The following PDE4B variants were observed in gnomAD, a reference collection of about 807,000 sequenced individuals.
PDE4B encodes 3',5'-cyclic-AMP phosphodiesterase 4B.
PDE4B carries 20 observed loss-of-function variants against 82.2 expected under a neutral mutation model. That is an observed-to-expected ratio of 0.24 (90% CI 0.17 to 0.35). PDE4B has a LOEUF of 0.35. Ranked by LOEUF, PDE4B falls within the 10% of genes least tolerant of loss-of-function variation. The probability of loss-of-function intolerance (pLI) is 1.00; values close to 1 mark genes in which losing one functional copy is unlikely to be tolerated. For synonymous variants in PDE4B, 320 were observed against 318.9 expected, an observed-to-expected ratio of 1.00 and a Z score of -0.04; for missense variants, 655 against 907.2, an observed-to-expected ratio of 0.72 and a Z score of 3.57.
chr1:65,844,689 T>C (rs1646248932), intron 1 of PDE4B, among the ~76,000 whole-genome samples: 1 of 152,178 alleles, frequency 6.6e-6, no homozygotes, highest in South Asian at 2.1e-4. Flanking sequence ...TAATATGTAG[T>C]TTATTCTCCC....
chr1:66,130,908 T>C (rs760021673), intron 3 of PDE4B, among the ~76,000 whole-genome samples: 3 of 152,218 alleles, frequency 2.0e-5, no homozygotes, highest in African/African-American at 4.8e-5. Context: ...ATTCTATTTC[T>C]TGGAAATTCA....
intron 1 of PDE4B, among the ~76,000 whole-genome samples, chr1:65,907,501 A>T (rs1264548439): frequency 6.6e-6 from 1 of 152,098 alleles, no homozygotes; most frequent in African/African-American, 2.4e-5. Context: ...CGGGGCTGGG[A>T]GTGGAGACAG....
chr1:66,352,852 T>C (rs1343246044), intron 8 of PDE4B, among the ~76,000 whole-genome samples: 1 of 152,228 alleles, frequency 6.6e-6, no homozygotes, highest in Non-Finnish European at 1.5e-5. Context: ...TTCCTAAGTA[T>C]TTCAGAGAGA....
At chr1:65,987,242 G>T (rs1252609011) in intron 3 of PDE4B, among the ~76,000 whole-genome samples, 1 of 152,130 alleles carries the variant, frequency 6.6e-6, no homozygotes, top group Non-Finnish European at 1.5e-5. Context: ...TCCCACCTAG[G>T]ATTCAGGTGA....
At chr1:65,809,947 C>G (rs1449846244) in intron 1 of PDE4B, among the ~76,000 whole-genome samples, 3 of 152,328 alleles carry the variant, frequency 2.0e-5, no homozygotes, top group African/African-American at 7.2e-5. Context: ...TTTTGGTGCT[C>G]TTAAAATGCA....
At chr1:66,070,989 A>G (rs1371658726) in intron 3 of PDE4B, among the ~76,000 whole-genome samples, 1 of 152,068 alleles carries the variant, frequency 6.6e-6, no homozygotes, top group East Asian at 1.9e-4. Flanking sequence ...ATTATTTTAT[A>G]AAAATGACTG....
chr1:65,827,026 G>C (rs546040486), intron 1 of PDE4B, among the ~76,000 whole-genome samples: 40 of 152,306 alleles, frequency 2.6e-4, no homozygotes, highest in Middle Eastern at 6.8e-3. Context: ...CATACATTAA[G>C]CACAGGGTAT....
chr1:66,300,245 A>G (rs915044578), intron 7 of PDE4B, among the ~76,000 whole-genome samples: 4 of 152,124 alleles, frequency 2.6e-5, no homozygotes, highest in African/African-American at 9.7e-5. Flanking sequence ...ACTTCCTGAG[A>G]TACTGATCAT....
chr1:65,856,797 C>T (rs1376297383), intron 1 of PDE4B, among the ~76,000 whole-genome samples: 2 of 152,206 alleles, frequency 1.3e-5, no homozygotes, highest in East Asian at 3.8e-4. Flanking sequence ...TTCCAACCAA[C>T]AGTCAATCAA....
At chr1:66,044,524 A>G (rs1276418660) in intron 3 of PDE4B, among the ~76,000 whole-genome samples, 1 of 151,774 alleles carries the variant, frequency 6.6e-6, no homozygotes, top group African/African-American at 2.4e-5. Flanking sequence ...AGGGATCACA[A>G]GCGATATATA....
At chr1:65,798,238 C>CT (rs781315273) in intron 1 of PDE4B, among the ~76,000 whole-genome samples, 699 of 22,664 alleles carry the variant, frequency 0.031, 246 homozygotes, top group African/African-American at 0.077. Flanking sequence ...CCAGGCTAGT[C>CT]TTTTTTTTTT....
intron 3 of PDE4B, among the ~76,000 whole-genome samples, chr1:66,001,690 T>G (rs1651872999): frequency 6.6e-6 from 1 of 151,972 alleles, no homozygotes; most frequent in Non-Finnish European, 1.5e-5. Flanking sequence ...CATTGATGGG[T>G]TGTATTGTGA....
rs184786716 is a variant in PDE4B at position 66,015,938 on chromosome 1, A to G, written c.281+97103A>G. ...TTTCAAAAACTGCTAATAATTTTCT[A>G]TATTCTAGGCACCATTATAGGGCTA... On this transcript the variant is annotated intron_variant, in intron 3 of 16. Transcript: ENST00000341517. Among the ~76,000 whole-genome samples the G allele has an allele frequency of 7.2e-4, 109 of 152,312 alleles. 1 individual carries two copies. Among genetic ancestry groups the G allele is most frequent in the Middle Eastern group, 6.8e-3 (2 of 294 alleles).
chr1:66,241,523 G>A (rs988643153), intron 3 of PDE4B, among the ~76,000 whole-genome samples: 21 of 149,474 alleles, frequency 1.4e-4, no homozygotes, highest in African/African-American at 4.9e-4. Flanking sequence ...TTTTCTTTTT[G>A]TGAGACTGAG....
chr1:65,943,804 A>T (rs1172517931), intron 3 of PDE4B, among the ~76,000 whole-genome samples: 1 of 152,030 alleles, frequency 6.6e-6, no homozygotes, highest in Non-Finnish European at 1.5e-5. Context: ...TGTTGTTAGT[A>T]TATAGAAATG....
chr1:65,996,041 T>G (rs1340577649), intron 3 of PDE4B, among the ~76,000 whole-genome samples: 5 of 152,180 alleles, frequency 3.3e-5, no homozygotes, highest in Non-Finnish European at 7.4e-5. Context: ...ATTTATGAAA[T>G]TCTGACTCTG....
intron 3 of PDE4B, among the ~76,000 whole-genome samples, chr1:66,081,820 CTCTCTCTCTCTCTGTGTG>C (rs1381460689): frequency 1.5e-5 from 2 of 137,422 alleles, no homozygotes; most frequent in East Asian, 2.2e-4. Context: ...CTCTCTCTCT[CTCTCTCTCTCTCTGTGTG>C]TGTGTGTGTG....
intron 3 of PDE4B, among the ~76,000 whole-genome samples, chr1:66,066,510 G>T (rs897876206): frequency 1.3e-5 from 2 of 151,832 alleles, no homozygotes; most frequent in African/African-American, 2.4e-5. Flanking sequence ...TCACACTTTA[G>T]CACCGGCTCT....
intron 3 of PDE4B, among the ~76,000 whole-genome samples, chr1:66,122,025 C>T (rs192880301): frequency 1.0e-3 from 155 of 152,098 alleles, no homozygotes; most frequent in Non-Finnish European, 1.8e-3. Flanking sequence ...CTTCCTTTCT[C>T]CTTTCTCCCT....
Sources: allele counts gnomAD v4.1 joint callset (sites outside exome capture counted in the v4.1 genomes callset), GRCh38; gene constraint gnomAD v4.1.1; transcripts MANE v1.5; gene names NCBI Gene and HGNC (gene_info 2026-07-23, HGNC 2026-07-21).